The following N4BP1 variants were observed in gnomAD, a reference collection of about 807,000 sequenced individuals.
The protein encoded by N4BP1 is NEDD4 binding protein 1, also known as NEDD4-binding protein 1.
A neutral mutation model predicts 70.9 loss-of-function variants in N4BP1; 21 were observed. The observed-to-expected ratio is 0.30, with a 90% CI of 0.21 to 0.43. The LOEUF (loss-of-function observed/expected upper bound fraction) is 0.43, where lower values mean the gene tolerates loss of function less well. Ranked by LOEUF, N4BP1 falls within the 20% of genes least tolerant of loss-of-function variation. N4BP1 has a pLI of 1.00. For synonymous variants in N4BP1, 387 were observed against 394.6 expected (o/e 0.98, Z 0.23); for missense variants, 936 against 1,069.4 (o/e 0.88, Z 1.74).
chr16:48,574,222 T>G (rs1447577289), intron 1 of N4BP1, among the ~76,000 whole-genome samples: 1 of 152,238 alleles, frequency 6.6e-6, no homozygotes, highest in Admixed American at 6.5e-5. Flanking sequence ...ATATATTATT[T>G]TGGTACACTT....
At chr16:48,579,170 C>G (rs1964141823) in intron 1 of N4BP1, among the ~76,000 whole-genome samples, 1 of 152,130 alleles carries the variant, frequency 6.6e-6, no homozygotes, top group African/African-American at 2.4e-5. Context: ...GATGAGAAAC[C>G]CTGAACTAAT....
chr16:48,569,052 T>TA lies in N4BP1; in HGVS notation c.199-6609dup, dbSNP rs1220224597. Among the ~76,000 whole-genome samples, 4 of 152,396 alleles carry TA rather than the reference T, an allele frequency of 2.6e-5. No homozygotes were observed. In the East Asian group the frequency reaches 7.7e-4, roughly 29 times the overall value. On this transcript the variant is annotated intron_variant, in intron 1 of 6. Coordinates refer to ENST00000262384, the MANE Select transcript of N4BP1 (RefSeq NM_153029.4). ...TGAAACTTACTTTTTCTAATGGTTT[T>TA]AAGAGTATTTGGGATTGCCTGTGGA...
chr16:48,566,490 GTTAC>G (rs1231778731), intron 1 of N4BP1, among the ~76,000 whole-genome samples: 11 of 152,274 alleles, frequency 7.2e-5, no homozygotes, highest in African/African-American at 2.4e-4. Context: ...ATTTAGAAGT[GTTAC>G]TTAGTTTTTA....
At chr16:48,560,574 C>A in intron 2 of N4BP1, 180 bp downstream of exon 2, 1 of 658,714 alleles carries the variant, frequency 1.5e-6, no homozygotes, top group Non-Finnish European at 2.4e-6. Flanking sequence ...TTCATGAATC[C>A]AGAAGATGGA....
intron 2 of N4BP1, among the ~76,000 whole-genome samples, chr16:48,554,945 A>G (rs921421550): frequency 6.6e-6 from 1 of 152,206 alleles, no homozygotes; most frequent in Non-Finnish European, 1.5e-5. Flanking sequence ...GACTCGTCAG[A>G]AAGGATCTGG....
chr16:48,610,076 C>A lies in N4BP1; in HGVS notation c.-104G>T. 1.7e-6 allele frequency: 1 copy of A among 599,316 alleles called. No individual in the cohort carries two copies. Among genetic ancestry groups the A allele is most frequent in the Non-Finnish European group, 2.1e-6 (1 of 473,836 alleles). The allele number at this position is 599,316 out of a possible 1,614,324, so 37.1% of individuals were successfully genotyped here. A position where few individuals can be genotyped will look rare whatever the true frequency, so the allele number is the denominator to read the frequency against. On this transcript the variant is annotated 5_prime_UTR_variant, in exon 1 of 7. Transcript: ENST00000262384. Reference sequence around the variant, plus strand: ...CCAGTCAGGCGGCGTCGGCCCTTCCCGGCCGCCTCGCCCCCGCCCGCGCCC... The same window carrying A: ...CCAGTCAGGCGGCGTCGGCCCTTCCAGGCCGCCTCGCCCCCGCCCGCGCCC...
intron 1 of N4BP1, among the ~76,000 whole-genome samples, chr16:48,564,550 C>T (rs1430546058): frequency 6.6e-6 from 1 of 152,140 alleles, no homozygotes; most frequent in Non-Finnish European, 1.5e-5. Flanking sequence ...AAGACCACAC[C>T]GTTTTGATTA....
intron 3 of N4BP1, among the ~76,000 whole-genome samples, chr16:48,553,321 T>TATAA (rs1163311150): frequency 6.6e-6 from 1 of 152,260 alleles, no homozygotes; most frequent in African/African-American, 2.4e-5. Context: ...TAACTTCCTG[T>TATAA]ATAAATAACT....
At chr16:48,585,052 C>T (rs986638799) in intron 1 of N4BP1, among the ~76,000 whole-genome samples, 6 of 152,022 alleles carry the variant, frequency 3.9e-5, no homozygotes, top group Non-Finnish European at 7.4e-5. Flanking sequence ...CTGCCTCAGC[C>T]TCCCAAGTAG....
intron 1 of N4BP1, among the ~76,000 whole-genome samples, chr16:48,573,865 A>G (rs1196325566): frequency 6.6e-6 from 1 of 152,242 alleles, no homozygotes; most frequent in Non-Finnish European, 1.5e-5. Context: ...TAAGAAATTC[A>G]TAAGGAAGAG....
At chr16:48,583,449 T>C (rs1964201233) in intron 1 of N4BP1, among the ~76,000 whole-genome samples, 2 of 152,090 alleles carry the variant, frequency 1.3e-5, no homozygotes, top group South Asian at 4.2e-4. Context: ...AAGATTACAG[T>C]TAGATAGGAG....
chr16:48,544,511 T>C (rs1032633309), intron 6 of N4BP1, among the ~76,000 whole-genome samples: 6 of 152,124 alleles, frequency 3.9e-5, no homozygotes, highest in Non-Finnish European at 7.4e-5. Context: ...CCTGGTTTAG[T>C]TTTTAAAAAG....
chr16:48,543,159 C>G lies in N4BP1; in HGVS notation c.2436G>C (p.Pro812=), dbSNP rs533936254. 6.2e-7 allele frequency: 1 copy of G among 1,602,352 alleles called. No individual in the cohort carries two copies. Among genetic ancestry groups the G allele is most frequent in the South Asian group, 1.1e-5 (1 of 90,472 alleles). ...TTGAAGGGGCTCCCTGAATCCGGGT[C>G]GGAGGCTGGTGGCTGGTGCTGGCTG... ...TQAASTSHQP[P]TRIQGAPSSH... Residue 812 remains proline (P), a synonymous_variant, in exon 7 of 7, where the codon CCG becomes CCC. Transcript: ENST00000262384.
intron 1 of N4BP1, among the ~76,000 whole-genome samples, chr16:48,584,283 C>T (rs964791260): frequency 6.6e-6 from 1 of 152,178 alleles, no homozygotes; most frequent in Admixed American, 6.5e-5. Context: ...TGCAAGATCA[C>T]GTTTCGGGAC....
chr16:48,544,326 C>A (rs1256779467), intron 6 of N4BP1, among the ~76,000 whole-genome samples: 1 of 152,192 alleles, frequency 6.6e-6, no homozygotes, highest in African/African-American at 2.4e-5. Context: ...AACCCATCAC[C>A]ACCTACCACT....
rs3743778 is a variant in N4BP1, at chr16:48,540,348, G to C, written c.*2556C>G. The C allele has an allele frequency of 0.13, 19,821 of 152,246 alleles. 2,359 individuals carry two copies. The highest frequency in any genetic ancestry group is 0.64 in the East Asian group (3,282 of 5,110). 9.4% of individuals were successfully genotyped at this position (152,246 alleles called of 1,614,324 possible). ...TCACATCCCAGCCGTGCCACAAGCC[G>C]CATCGGCATGAGGCCGGCTCTCCCT... On this transcript the variant is annotated 3_prime_UTR_variant, in exon 7 of 7. Transcript: ENST00000262384.
chr16:48,583,523 C>G (rs1964201833), intron 1 of N4BP1, among the ~76,000 whole-genome samples: 1 of 152,094 alleles, frequency 6.6e-6, no homozygotes, highest in African/African-American at 2.4e-5. Flanking sequence ...ATATTGTGGT[C>G]ATGAAAAATA....
At position 48,561,002 on chromosome 16, in the gene N4BP1, T is replaced by C. The variant is rs377248900; in HGVS notation, c.1641A>G (p.Gly547=). 2.5e-6 allele frequency: 4 copies of C among 1,613,990 alleles called. No individual in the cohort carries two copies. Among genetic ancestry groups the C allele is most frequent in the Non-Finnish European group, 3.4e-6 (4 of 1,179,874 alleles). ...GCTTAGAATGAGGAGAACTACAACA[T>C]CCTAAACGTTTTTCACAGGCAGATT... is the stretch of plus-strand genomic sequence containing the variant. ...NMKSACEKRL[G]CCSSPHSKPN... is the part of the protein sequence containing the mutation. Residue 547 remains glycine, a synonymous_variant, in exon 2 of 7, where the codon GGA becomes GGG. Transcript: ENST00000262384.
chr16:48,561,621 G>A lies in N4BP1; in HGVS notation c.1022C>T (p.Thr341Ile). 2 of 1,613,240 alleles carry A rather than the reference G, an allele frequency of 1.2e-6. No individual in the cohort carries two copies. The highest frequency in any genetic ancestry group is 2.2e-5 in the East Asian group (1 of 44,872). Residue 341 changes from threonine (T) to isoleucine (I), a missense_variant, in exon 2 of 7, where the codon ACT (threonine) becomes ATT (isoleucine). Thr to Ile is a moderately conservative substitution (Grantham distance 89). Around this residue, in one of 4 missense-constraint regions of N4BP1, gnomAD observed 515 missense variants for 491.7 expected, o/e 1.05. Transcript: ENST00000262384. ...SENLSPDIKE[T>I]TEEMEYNILV... Reference sequence around the variant, plus strand: ...GATGTTGTATTCCATTTCCTCAGTAGTTTCTTTTATATCTGGACTTAAATT... The same window carrying A: ...GATGTTGTATTCCATTTCCTCAGTAATTTCTTTTATATCTGGACTTAAATT...
Sources: gnomAD v4.1 joint callset for allele counts (sites outside exome capture counted in the v4.1 genomes callset) on GRCh38, gnomAD v4.1.1 for gene constraint, gnomAD v4.1.1 regional missense constraint, MANE v1.5 for transcripts, NCBI Gene and HGNC (gene_info 2026-07-23, HGNC 2026-07-21) for gene names.